TGFBR3: variants seen among roughly 807,000 people sequenced by gnomAD.
The protein encoded by TGFBR3 is transforming growth factor beta receptor 3.
TGFBR3 carries 46 observed loss-of-function variants against 87.9 expected under a neutral mutation model. The observed-to-expected ratio is 0.52, with a 90% CI of 0.41 to 0.67. The LOEUF (loss-of-function observed/expected upper bound fraction) is 0.67, where lower values mean the gene tolerates loss of function less well. Ranked by LOEUF, TGFBR3 falls within the 30% of genes least tolerant of loss-of-function variation. The probability of loss-of-function intolerance (pLI) is 0.00; values close to 1 mark genes in which losing one functional copy is unlikely to be tolerated. For missense variants in TGFBR3, 866 were observed against 1,041.9 expected, an observed-to-expected ratio of 0.83 and a Z score of 2.32; for synonymous variants, 381 against 391.6, an observed-to-expected ratio of 0.97 and a Z score of 0.32.
intron 3 of TGFBR3, among the ~76,000 whole-genome samples, chr1:91,774,251 C>T (rs1674487317): frequency 6.6e-6 from 1 of 152,044 alleles, no homozygotes. Context: ...GATTCTCCCG[C>T]CTCAACCTCC....
chr1:91,847,049 G>A (rs1156966044), intron 2 of TGFBR3, among the ~76,000 whole-genome samples: 4 of 152,172 alleles, frequency 2.6e-5, no homozygotes, highest in Admixed American at 6.5e-5. Context: ...TAGGTTGTAC[G>A]CTGCCTCTCC....
intron 15 of TGFBR3, 102 bp from the exon 16 acceptor site, chr1:91,695,881 C>T (rs1262972029): frequency 6.2e-6 from 6 of 973,340 alleles, no homozygotes; most frequent in East Asian, 4.9e-5. Flanking sequence ...AGGTTGAGCA[C>T]TAATAAAATC....
rs186150486 is a variant in TGFBR3 at position 91,737,597 on chromosome 1, A to T, written c.385-2638T>A. Among the ~76,000 whole-genome samples the T allele has an allele frequency of 2.6e-5, 4 of 152,210 alleles. No individual in the cohort carries two copies. The East Asian group carries it at 7.7e-4, about 29-fold the overall frequency. On this transcript the variant is annotated intron_variant, in intron 4 of 16. Coordinates refer to ENST00000212355, the MANE Select transcript of TGFBR3 (RefSeq NM_003243.5). ...AGACAGCAGATTTCTGTTCTGTTAG[A>T]TTCATTTTTTATACACTAGTCTGAG... is the stretch of plus-strand genomic sequence containing the variant.
At chr1:91,717,689 T>TTA (rs774496080) in intron 10 of TGFBR3, among the ~76,000 whole-genome samples, 6 of 136,210 alleles carry the variant, frequency 4.4e-5, no homozygotes, top group South Asian at 2.4e-4. Context: ...GGAAGAAAAT[T>TTA]AAAAAAAAAA....
intron 2 of TGFBR3, among the ~76,000 whole-genome samples, chr1:91,828,296 A>G (rs1676720785): frequency 6.6e-6 from 1 of 151,804 alleles, no homozygotes; most frequent in African/African-American, 2.4e-5. Context: ...CTAACTCCAC[A>G]CCCCCGTCAA....
Position 91,770,851 on chromosome 1 carries a change from T to C in TGFBR3, c.247-12101A>G, listed in dbSNP as rs548434116. On this transcript the variant is annotated intron_variant, in intron 3 of 16. Coordinates refer to ENST00000212355, the MANE Select transcript of TGFBR3 (RefSeq NM_003243.5). ...GTGTACACATACTTACCACACCCCT[T>C]TTCTCTAGGATGTGTCCCATGTATA... The C allele has an allele frequency of 5.9e-5, 9 of 152,272 alleles. No individual in the cohort carries two copies. The East Asian group carries it at 9.6e-4, about 16-fold the overall frequency. The allele number at this position is 152,272 out of a possible 1,614,324, so 9.4% of individuals were successfully genotyped here. A position where few individuals can be genotyped will look rare whatever the true frequency, so the allele number is the denominator to read the frequency against.
intron 4 of TGFBR3, among the ~76,000 whole-genome samples, chr1:91,756,662 G>A (rs1673757398): frequency 1.3e-5 from 2 of 152,146 alleles, no homozygotes; most frequent in Admixed American, 6.5e-5. Flanking sequence ...TAGAATAAGA[G>A]TTGCAATTCC....
rs184335273 is a variant in TGFBR3 at position 91,741,087 on chromosome 1, C to T, written c.385-6128G>A. Reference sequence around the variant, plus strand: ...GAACACCAATTGATGCTGTGTATTTCGATGTAATTCTGATACCATCTACCT... The same window carrying T: ...GAACACCAATTGATGCTGTGTATTTTGATGTAATTCTGATACCATCTACCT... On this transcript the variant is annotated intron_variant, in intron 4 of 16. Coordinates refer to ENST00000212355, the MANE Select transcript of TGFBR3 (RefSeq NM_003243.5). 1.1e-3 allele frequency among the ~76,000 whole-genome samples: 160 copies of T among 152,212 alleles called. 1 individual carries two copies. Among genetic ancestry groups the T allele is most frequent in the Non-Finnish European group, 1.4e-3 (97 of 68,020 alleles).
At chr1:91,706,163 A>G (rs1671792913) in intron 14 of TGFBR3, among the ~76,000 whole-genome samples, 1 of 152,206 alleles carries the variant, frequency 6.6e-6, no homozygotes, top group South Asian at 2.1e-4. Context: ...TTAAATTATC[A>G]GAGACATTTG....
chr1:91,806,410 A>C (rs1260066215), intron 2 of TGFBR3, among the ~76,000 whole-genome samples: 1 of 152,186 alleles, frequency 6.6e-6, no homozygotes, highest in Non-Finnish European at 1.5e-5. Context: ...ACAGACTTTA[A>C]ATTTAATCAG....
intron 4 of TGFBR3, among the ~76,000 whole-genome samples, chr1:91,742,057 T>G (rs1230304447): frequency 6.6e-6 from 1 of 152,136 alleles, no homozygotes; most frequent in African/African-American, 2.4e-5. Flanking sequence ...CTCCTGGGTC[T>G]TTTTACACCC....
intron 2 of TGFBR3, among the ~76,000 whole-genome samples, chr1:91,852,408 ATGTG>A (rs1333782848): frequency 1.3e-5 from 2 of 152,316 alleles, no homozygotes; most frequent in Non-Finnish European, 2.9e-5. Flanking sequence ...GTGCGCATGC[ATGTG>A]TGTGTTGTGT....
At chr1:91,865,879 T>C (rs1431080934) in intron 1 of TGFBR3, among the ~76,000 whole-genome samples, 1 of 143,074 alleles carries the variant, frequency 7.0e-6, no homozygotes, top group Non-Finnish European at 1.5e-5. Flanking sequence ...GCCACTGCAC[T>C]CCAGCCTGGG....
At chr1:91,771,387 T>C (rs1442285443) in intron 3 of TGFBR3, among the ~76,000 whole-genome samples, 1 of 152,156 alleles carries the variant, frequency 6.6e-6, no homozygotes, top group Non-Finnish European at 1.5e-5. Context: ...GCTAAAGTCA[T>C]TTTTTAAGTG....
At chr1:91,728,012 T>G (rs986867522) in intron 6 of TGFBR3, 1 of 606,188 alleles carries the variant, frequency 1.6e-6, no homozygotes, top group African/African-American at 1.9e-5. Context: ...ATATGCTTGC[T>G]GATAATTAGT....
At chr1:91,766,198 C>CTTTTTTTTTTTT (rs749978314) in intron 3 of TGFBR3, among the ~76,000 whole-genome samples, 2 of 114,456 alleles carry the variant, frequency 1.7e-5, no homozygotes, top group African/African-American at 3.5e-5. Context: ...AGTTTGTTTT[C>CTTTTTTTTTTTT]TTTTTTTTTT....
intron 2 of TGFBR3, among the ~76,000 whole-genome samples, chr1:91,853,573 G>A (rs75693716): frequency 1.1e-4 from 17 of 152,208 alleles, no homozygotes; most frequent in South Asian, 2.1e-4. Flanking sequence ...TATACACAGT[G>A]GAATACTATA....
In TGFBR3 at chr1:91,853,526, G is replaced by A. The variant is rs575578729; in HGVS notation, c.61+7945C>T. ...TCCAAGATTTCTCTTTCAAGTACAG[G>A]ATAAATGAATAAATTGAATAATGAA... On this transcript the variant is annotated intron_variant, in intron 2 of 16. Coordinates refer to ENST00000212355, the MANE Select transcript of TGFBR3 (RefSeq NM_003243.5). Among the ~76,000 whole-genome samples the A allele has an allele frequency of 8.5e-5, 13 of 152,090 alleles. No individual in the cohort carries two copies. In the South Asian group the frequency reaches 2.3e-3, roughly 27 times the overall value.
chr1:91,742,404 C>A (rs543868872), intron 4 of TGFBR3, among the ~76,000 whole-genome samples: 2 of 152,308 alleles, frequency 1.3e-5, no homozygotes, highest in African/African-American at 2.4e-5. Context: ...ATGTTGTTAC[C>A]TACAGGAAAA....
Sources: gnomAD v4.1 joint callset for allele counts (sites outside exome capture counted in the v4.1 genomes callset) on GRCh38, gnomAD v4.1.1 for gene constraint, MANE v1.5 for transcripts, NCBI Gene and HGNC (gene_info 2026-07-23, HGNC 2026-07-21) for gene names.